The following PTPRF variants were observed in gnomAD, a reference collection of about 807,000 sequenced individuals.
PTPRF encodes the protein receptor-type tyrosine-protein phosphatase F.
A neutral mutation model predicts 201.8 loss-of-function variants in PTPRF; 59 were observed. The observed-to-expected ratio is 0.29, with a 90% CI of 0.24 to 0.36. PTPRF has a LOEUF of 0.36. PTPRF is among the 10% of genes least tolerant of loss of function. The pLI is 1.00. For missense variants in PTPRF, 2,132 were observed against 2,690.5 expected (o/e 0.79, Z 4.59); for synonymous variants, 1,088 against 1,089.7 (o/e 1.00, Z 0.03).
At chr1:43,550,314 G>A (rs1644942368) in intron 3 of PTPRF, among the ~76,000 whole-genome samples, 1 of 152,140 alleles carries the variant, frequency 6.6e-6, no homozygotes, top group Admixed American at 6.5e-5. Flanking sequence ...CTCCTCCCCG[G>A]CGTCTCCTCT....
chr1:43,532,461 G>A (rs1344092824), intron 1 of PTPRF: 1 of 154,304 alleles, frequency 6.5e-6, no homozygotes, highest in Non-Finnish European at 1.5e-5. Flanking sequence ...AACAGGGGCA[G>A]GGATCCAGAG....
At chr1:43,607,976 A>C (rs1318247040) in intron 21 of PTPRF, among the ~76,000 whole-genome samples, 1 of 152,250 alleles carries the variant, frequency 6.6e-6, no homozygotes, top group Non-Finnish European at 1.5e-5. Flanking sequence ...CTGGCAGATG[A>C]AGATATGCTA....
chr1:43,589,829 C>G (rs769645041), intron 8 of PTPRF, among the ~76,000 whole-genome samples: 4 of 151,562 alleles, frequency 2.6e-5, no homozygotes, highest in Non-Finnish European at 5.9e-5. Flanking sequence ...ATGATCACAC[C>G]ACTGCACTCC....
intron 1 of PTPRF, among the ~76,000 whole-genome samples, chr1:43,531,469 C>G (rs1040866424): frequency 2.7e-5 from 4 of 147,396 alleles, no homozygotes; most frequent in Non-Finnish European, 6.1e-5. Flanking sequence ...CCTCGTCCCC[C>G]CTTCTAGCGC....
rs1303230339 is a variant in PTPRF, at chr1:43,546,154, C to A, written c.91+988C>A. Among the ~76,000 whole-genome samples, 2 of 152,192 alleles carry A rather than the reference C, an allele frequency of 1.3e-5. No homozygotes were observed. Among genetic ancestry groups the A allele is most frequent in the African/African-American group, 4.8e-5 (2 of 41,440 alleles). On this transcript the variant is annotated intron_variant, in intron 3 of 33. Transcript: ENST00000359947. This position sits in a 1 kb window ranked among gnomAD's most constrained non-coding sequence, Gnocchi z 4.2. ...TGCCTCCGTATCTCTGGGTACAGAT[C>A]TCTCCCCTTGCCCCACCAGGGCTCT...
chr1:43,617,869 G>C lies in PTPRF; in HGVS notation c.4329G>C (p.Thr1443=). ...DFWRMVWEQR[T]ATVVMMTRLE... Reference sequence around the variant, plus strand: ...GGAGGATGGTGTGGGAACAGCGCACGGCCACTGTGGTCATGATGACACGGC... The same window carrying C: ...GGAGGATGGTGTGGGAACAGCGCACCGCCACTGTGGTCATGATGACACGGC... Residue 1443 remains threonine (T), a synonymous_variant, in exon 25 of 34, where the codon ACG becomes ACC. Coordinates refer to ENST00000359947, the MANE Select transcript of PTPRF (RefSeq NM_002840.5). 2 of 1,613,642 alleles carry C rather than the reference G, an allele frequency of 1.2e-6. No homozygotes were observed. The highest frequency in any genetic ancestry group is 1.7e-4 in the Middle Eastern group (1 of 6,060).
At chr1:43,583,152 C>T in intron 7 of PTPRF, 1 of 955,764 alleles carries the variant, frequency 1.0e-6, no homozygotes, top group African/African-American at 1.8e-5. Context: ...ACACGCCTGT[C>T]AGTAGGGCCC....
intron 22 of PTPRF, among the ~76,000 whole-genome samples, chr1:43,611,723 G>T (rs189152843): frequency 3.3e-5 from 5 of 152,248 alleles, no homozygotes; most frequent in African/African-American, 1.2e-4. Flanking sequence ...AAAGGTGGCA[G>T]TGGGAACAGA....
At position 43,588,512 on chromosome 1, in the gene PTPRF, C is replaced by T. The variant is rs146001512; in HGVS notation, c.680-219C>T. 1.7e-3 allele frequency among the ~76,000 whole-genome samples: 254 copies of T among 152,306 alleles called. 2 individuals carry two copies. The highest frequency in any genetic ancestry group is 5.8e-3 in the African/African-American group (241 of 41,582). On this transcript the variant is annotated intron_variant, in intron 7 of 33. Transcript: ENST00000359947. This position sits in a 1 kb window ranked among gnomAD's most constrained non-coding sequence, Gnocchi z 5.3. ...CAAGATCTCTCATTGAGTAAGTCAT[C>T]GTGCTCCAGACAGTCCCTGAGTGTG...
chr1:43,600,274 C>T (rs943706324), intron 13 of PTPRF, among the ~76,000 whole-genome samples: 2 of 152,146 alleles, frequency 1.3e-5, no homozygotes, highest in Non-Finnish European at 2.9e-5. Context: ...GGGCCAGTGG[C>T]CACAGCTGTG....
rs746151545 is a variant in PTPRF at position 43,605,394 on chromosome 1, G to A, written c.3340G>A (p.Gly1114Ser). ...PLPASAYIED[G>S]RFDLSMPHVQ... The stretch of plus-strand genomic sequence containing the variant: ...GCCTGCCTCTGCCTACATAGAGGAC[G>A]GCCGCTTCGATCTCTCCATGCCCCA... Residue 1114 changes from glycine (G) to serine (S), a missense_variant, in exon 18 of 34, where the codon GGC becomes AGC. Physicochemically the swap from Gly to Ser is moderately conservative, Grantham distance 56. Transcript: ENST00000359947. 1.2e-5 allele frequency: 19 copies of A among 1,613,616 alleles called. No homozygotes were observed. The highest frequency in any genetic ancestry group is 1.1e-4 in the African/African-American group (8 of 74,944).
At chr1:43,605,113 A>T in intron 17 of PTPRF, 77 bp from the exon 18 acceptor site, 2 of 1,575,354 alleles carry the variant, frequency 1.3e-6, no homozygotes, top group Non-Finnish European at 1.7e-6. Flanking sequence ...GTGGTTGTGT[A>T]TCCGTGCACT....
At chr1:43,595,383 A>AT (rs904100723) in intron 11 of PTPRF, among the ~76,000 whole-genome samples, 206 of 149,452 alleles carry the variant, frequency 1.4e-3, no homozygotes, top group African/African-American at 4.1e-3. Context: ...CACCCAGCTA[A>AT]TTTTTTTTTT....
rs532736186 is a variant in PTPRF, at chr1:43,573,442, A to C, written c.568+3664A>C. Among the ~76,000 whole-genome samples, 327 of 152,274 alleles carry C rather than the reference A, an allele frequency of 2.1e-3. 2 individuals are homozygous for C. Among genetic ancestry groups the C allele is most frequent in the Admixed American group, 3.7e-3 (57 of 15,300 alleles). On this transcript the variant is annotated intron_variant, in intron 6 of 33. Transcript: ENST00000359947. ...CCCCACCCCCAGCACCCTGAGGCGA[A>C]ACCTGGGGGTCTTAAGAAGAGATGC...
rs776942329 is a variant in PTPRF at position 43,617,837 on chromosome 1, G to T, written c.4297G>T (p.Asp1433Tyr). Residue 1433 changes from aspartate (D) to tyrosine (Y), a missense_variant, in exon 25 of 34, where the codon GAT (aspartate) becomes TAT (tyrosine). Asp to Tyr is a radical substitution (Grantham distance 160, BLOSUM62 -3). This residue lies in a region of PTPRF where 22 missense variants were observed against 48.1 expected (regional missense o/e 0.46). Transcript: ENST00000359947. ...GGGCCCCCTGCCCGAGACCATGGGT[G>T]ATTTCTGGAGGATGGTGTGGGAACA... ...TQGPLPETMG[D>Y]FWRMVWEQRT... 1 of 1,613,922 alleles carries T rather than the reference G, an allele frequency of 6.2e-7. No individual in the cohort carries two copies. Among genetic ancestry groups the T allele is most frequent in the Non-Finnish European group, 8.5e-7 (1 of 1,179,908 alleles).
At position 43,588,910 on chromosome 1, in the gene PTPRF, C is replaced by G. The variant is rs769061275; in HGVS notation, c.859C>G (p.Leu287Val). ...EMPVGRNVLE[L>V]SNVVRSANYT... ...GCCAGTTGGCCGCAACGTCCTGGAG[C>G]TCAGCAATGTCGTACGCTCTGCCAA... Residue 287 changes from leucine (L) to valine (V), a missense_variant, in exon 8 of 34, where the codon CTC becomes GTC. Leu to Val is a conservative substitution (Grantham distance 32). Transcript: ENST00000359947. This position sits in a 1 kb window ranked among gnomAD's most constrained non-coding sequence, Gnocchi z 5.3. 6.2e-7 allele frequency: 1 copy of G among 1,612,952 alleles called. No individual in the cohort carries two copies. Among genetic ancestry groups the G allele is most frequent in the Non-Finnish European group, 8.5e-7 (1 of 1,179,254 alleles).
chr1:43,602,583 A>T (rs373537450), intron 14 of PTPRF, among the ~76,000 whole-genome samples: 1 of 151,732 alleles, frequency 6.6e-6, no homozygotes, highest in East Asian at 2.0e-4. Flanking sequence ...CCAGAGCTGG[A>T]GGGATACCAG....
chr1:43,537,680 A>T lies in PTPRF; in HGVS notation c.-125-518A>T, dbSNP rs1235764589. Reference sequence around the variant, plus strand: ...GGCTTCCCTGAGAAAGTGCCACTGGACTTGAGATCCGAGGGTAAGTTGGCC... The same window carrying T: ...GGCTTCCCTGAGAAAGTGCCACTGGTCTTGAGATCCGAGGGTAAGTTGGCC... On this transcript the variant is annotated intron_variant, in intron 1 of 33. Coordinates refer to ENST00000359947, the MANE Select transcript of PTPRF (RefSeq NM_002840.5). This position sits in a 1 kb window ranked among gnomAD's most constrained non-coding sequence, Gnocchi z 4.8. Among the ~76,000 whole-genome samples the T allele has an allele frequency of 2.0e-5, 3 of 152,248 alleles. No individual in the cohort carries two copies. The highest frequency in any genetic ancestry group is 4.4e-5 in the Non-Finnish European group (3 of 68,042).
intron 22 of PTPRF, among the ~76,000 whole-genome samples, chr1:43,611,107 T>TG (rs1656341922): frequency 6.6e-6 from 1 of 152,232 alleles, no homozygotes; most frequent in Non-Finnish European, 1.5e-5. Context: ...CTCTGAGCCT[T>TG]GCTGTGGCTG....
Sources: gnomAD v4.1 joint callset for allele counts (sites outside exome capture counted in the v4.1 genomes callset) on GRCh38, gnomAD v4.1.1 for gene constraint, gnomAD v4.1.1 regional missense constraint, Gnocchi (gnomAD v3.1) non-coding constraint, MANE v1.5 for transcripts, NCBI Gene and HGNC (gene_info 2026-07-23, HGNC 2026-07-21) for gene names.